PRUNE2: variants seen among roughly 807,000 people sequenced by gnomAD.
The protein encoded by PRUNE2 is protein prune homolog 2.
A neutral mutation model predicts 252.0 loss-of-function variants in PRUNE2; 164 were observed. The observed-to-expected ratio is 0.65, with a 90% CI of 0.57 to 0.74. PRUNE2 has a LOEUF of 0.74. Among genes scored for constraint, PRUNE2 ranks in the 30% least tolerant of loss-of-function variants. The pLI, the probability that PRUNE2 is intolerant of heterozygous loss-of-function variation, is 0.00. For missense variants in PRUNE2, 3,495 were observed against 3,711.0 expected, an observed-to-expected ratio of 0.94 and a Z score of 1.51; for synonymous variants, 1,292 against 1,350.2, an observed-to-expected ratio of 0.96 and a Z score of 0.94.
At chr9:76,654,729 G>A (rs1848606040) in intron 10 of PRUNE2, among the ~76,000 whole-genome samples, 1 of 152,152 alleles carries the variant, frequency 6.6e-6, no homozygotes, top group South Asian at 2.1e-4. Context: ...TTTGGCCATA[G>A]AACATTTAGA....
At chr9:76,824,644 C>T (rs542753909) in intron 5 of PRUNE2, among the ~76,000 whole-genome samples, 4 of 152,106 alleles carry the variant, frequency 2.6e-5, no homozygotes, top group Non-Finnish European at 5.9e-5. Context: ...TTAATTCTCG[C>T]GCTACATTAT....
At chr9:76,838,577 G>A (rs184642606) in intron 4 of PRUNE2, among the ~76,000 whole-genome samples, 10 of 150,844 alleles carry the variant, frequency 6.6e-5, no homozygotes, top group East Asian at 3.9e-4. Flanking sequence ...CCTAGAAGGC[G>A]GAGGTTGCAG....
chr9:76,777,804 C>T (rs1013135196), intron 6 of PRUNE2, among the ~76,000 whole-genome samples: 1 of 152,160 alleles, frequency 6.6e-6, no homozygotes, highest in Admixed American at 6.5e-5. Context: ...GGGAAGATGT[C>T]ACCATTTACA....
intron 2 of PRUNE2, among the ~76,000 whole-genome samples, chr9:76,851,285 T>C (rs1219949858): frequency 6.6e-6 from 1 of 152,106 alleles, no homozygotes; most frequent in Non-Finnish European, 1.5e-5. Flanking sequence ...CGATGGTTCA[T>C]GCCCGTAATC....
At chr9:76,876,316 G>A (rs965670143) in intron 1 of PRUNE2, among the ~76,000 whole-genome samples, 5 of 152,132 alleles carry the variant, frequency 3.3e-5, no homozygotes, top group African/African-American at 9.7e-5. Flanking sequence ...AACACTTCCT[G>A]TTTTTCTGCA....
intron 9 of PRUNE2, among the ~76,000 whole-genome samples, chr9:76,659,380 G>T (rs948817283): frequency 3.3e-5 from 5 of 152,112 alleles, no homozygotes; most frequent in Non-Finnish European, 7.4e-5. Flanking sequence ...AAGCATCAAA[G>T]CATATAGGAA....
At chr9:76,627,196 G>C (rs1587808726) in intron 16 of PRUNE2, among the ~76,000 whole-genome samples, 1 of 150,518 alleles carries the variant, frequency 6.6e-6, no homozygotes, top group South Asian at 2.1e-4. Context: ...CGCCTCCCAG[G>C]CTCAAGCAAT....
intron 6 of PRUNE2, among the ~76,000 whole-genome samples, chr9:76,812,198 G>A (rs2057401275): frequency 6.6e-6 from 1 of 152,174 alleles, no homozygotes; most frequent in South Asian, 2.1e-4. Flanking sequence ...GGGAAGACAG[G>A]GCTTCCAAGG....
intron 16 of PRUNE2, among the ~76,000 whole-genome samples, chr9:76,627,600 G>A (rs1835498791): frequency 6.6e-6 from 1 of 152,166 alleles, no homozygotes; most frequent in Non-Finnish European, 1.5e-5. Flanking sequence ...ACCACCGGAA[G>A]CCCAGTCAGT....
At chr9:76,856,803 G>C (rs1013524957) in intron 1 of PRUNE2, among the ~76,000 whole-genome samples, 2 of 151,762 alleles carry the variant, frequency 1.3e-5, no homozygotes, top group African/African-American at 4.8e-5. Context: ...ACCCAGGCTG[G>C]AGTGTAATGG....
intron 3 of PRUNE2, among the ~76,000 whole-genome samples, chr9:76,849,565 C>T (rs1261979282): frequency 1.3e-5 from 2 of 152,128 alleles, no homozygotes; most frequent in African/African-American, 4.8e-5. Flanking sequence ...ATGGCTCACA[C>T]CTGTAATCCC....
intron 9 of PRUNE2, among the ~76,000 whole-genome samples, chr9:76,697,132 A>AT (rs1046372504): frequency 6.6e-6 from 1 of 151,984 alleles, no homozygotes; most frequent in Non-Finnish European, 1.5e-5. Context: ...TTTCATAGAG[A>AT]TTTTTTTCCC....
intron 1 of PRUNE2, among the ~76,000 whole-genome samples, chr9:76,869,913 AT>A (rs1181928379): frequency 6.6e-6 from 1 of 152,226 alleles, no homozygotes; most frequent in Non-Finnish European, 1.5e-5. Context: ...ATTTTTTGAT[AT>A]TATCAATTTG....
At chr9:76,768,673 T>C (rs1373277375) in intron 6 of PRUNE2, among the ~76,000 whole-genome samples, 1 of 151,668 alleles carries the variant, frequency 6.6e-6, no homozygotes, top group East Asian at 1.9e-4. Flanking sequence ...GTTGAAGTCA[T>C]CTCATAAAAA....
rs182943358 is a variant in PRUNE2, at chr9:76,688,829, C to A, written c.8276+14508G>T. Among the ~76,000 whole-genome samples, 6 of 152,342 alleles carry A rather than the reference C, an allele frequency of 3.9e-5. No homozygotes were observed. The East Asian group carries it at 1.2e-3, about 29-fold the overall frequency. On this transcript the variant is annotated intron_variant, in intron 9 of 18. Coordinates refer to ENST00000376718, the MANE Select transcript of PRUNE2 (RefSeq NM_015225.3). ...TTAGAATAATCCATCCTTAGCTTCTCCAGCTGCTCTACCTTTTAGGCAAAA... is the reference window on the plus strand; with the variant it reads ...TTAGAATAATCCATCCTTAGCTTCTACAGCTGCTCTACCTTTTAGGCAAAA...
intron 6 of PRUNE2, among the ~76,000 whole-genome samples, chr9:76,803,448 T>C (rs1307760497): frequency 6.6e-6 from 1 of 152,218 alleles, no homozygotes; most frequent in Non-Finnish European, 1.5e-5. Context: ...GGCTAATTCT[T>C]GCCCTGATCC....
intron 6 of PRUNE2, among the ~76,000 whole-genome samples, chr9:76,802,453 T>C (rs566748298): frequency 8.5e-5 from 13 of 152,322 alleles, no homozygotes; most frequent in African/African-American, 2.9e-4. Context: ...TTATTTTACA[T>C]ACCCTAACTT....
rs1466506994 is a variant in PRUNE2 at position 76,708,286 on chromosome 9, C to A, written c.3988G>T (p.Ala1330Ser). The A allele has an allele frequency of 6.2e-7, 1 of 1,613,836 alleles. No individual in the cohort carries two copies. Among genetic ancestry groups the A allele is most frequent in the Admixed American group, 1.7e-5 (1 of 60,012 alleles). ...TGCCCCCTGTCAGTGGCTCCCTGGG[C>A]TTCCTTCTCACTTTCACTTTGTCCA... ...GDGQSESEKEAQGATDRGHLD... is the reference protein window; with the variant it reads ...GDGQSESEKESQGATDRGHLD... Residue 1330 changes from alanine (A) to serine (S), a missense_variant, in exon 8 of 19, where the codon GCC (alanine) becomes TCC (serine). Physicochemically the swap from Ala to Ser is moderately conservative, Grantham distance 99. Coordinates refer to ENST00000376718, the MANE Select transcript of PRUNE2 (RefSeq NM_015225.3).
chr9:76,731,012 G>A (rs2048516692), intron 6 of PRUNE2, among the ~76,000 whole-genome samples: 1 of 152,148 alleles, frequency 6.6e-6, no homozygotes, highest in South Asian at 2.1e-4. Flanking sequence ...ATTTATCTAA[G>A]TAGAATGCAG....
Sources: allele counts gnomAD v4.1 joint callset (sites outside exome capture counted in the v4.1 genomes callset), GRCh38; gene constraint gnomAD v4.1.1; transcripts MANE v1.5; gene names NCBI Gene and HGNC (gene_info 2026-07-23, HGNC 2026-07-21).